OC90: variants seen among roughly 807,000 people sequenced by gnomAD.
OC90 encodes the protein otoconin-90.
A neutral mutation model predicts 47.3 loss-of-function variants in OC90; 46 were observed. That is an observed-to-expected ratio of 0.97 (90% CI 0.77 to 1.24). OC90 has a LOEUF of 1.24. Among genes scored for constraint, OC90 ranks in the 50% most tolerant of loss-of-function variants. OC90 has a pLI of 0.00. For synonymous variants in OC90, 271 were observed against 219.5 expected (o/e 1.23, Z -2.07); for missense variants, 688 against 583.9 (o/e 1.18, Z -1.84).
intron 13 of OC90, among the ~76,000 whole-genome samples, chr8:132,026,918 C>A (rs1414242169): frequency 6.6e-6 from 1 of 152,108 alleles, no homozygotes; most frequent in Non-Finnish European, 1.5e-5. Context: ...ACTGGGCCTC[C>A]CACTTCCACT....
intron 10 of OC90, among the ~76,000 whole-genome samples, chr8:132,033,535 C>T (rs1015034946): frequency 1.3e-5 from 2 of 152,126 alleles, no homozygotes; most frequent in Non-Finnish European, 2.9e-5. Flanking sequence ...GAAATTAAGG[C>T]GACTCATGAT....
At position 132,024,644 on chromosome 8, in the gene OC90, G is replaced by T. The variant is rs755309239; in HGVS notation, c.1271C>A (p.Ala424Asp). Residue 424 changes from alanine to aspartate, a missense_variant, in exon 14 of 14, where the codon GCC becomes GAC. By Grantham distance (126) the Ala-to-Asp change is moderately radical. Transcript: ENST00000254627. ...SRLGCPGQPA[A>D]CEDSLHPVPA... ...CACAGGGTGCAGGCTGTCTTCACAGGCTGCTGGCTGCCCAGGGCACCCGAG... is the reference window on the plus strand; with the variant it reads ...CACAGGGTGCAGGCTGTCTTCACAGTCTGCTGGCTGCCCAGGGCACCCGAG... 11 of 1,613,012 alleles carry T rather than the reference G, an allele frequency of 6.8e-6. No homozygotes were observed. The highest frequency in any genetic ancestry group is 3.3e-4 in the Middle Eastern group (2 of 6,078).
chr8:132,039,024 T>C lies in OC90; in HGVS notation c.557A>G (p.Asp186Gly). Residue 186 changes from aspartate to glycine, a missense_variant, in exon 7 of 14, where the codon GAC becomes GGC. Coordinates refer to ENST00000254627, the MANE Select transcript of OC90 (RefSeq NM_001080399.3). The stretch of plus-strand genomic sequence containing the variant: ...AGTCTGAGCCAGGCAGAAGGAGGTG[T>C]CCAGAAGGTTCAGGGAAGAGTTGAG... ...SSLNSSLNLL[D>G]TSFCLAQTPE... The C allele has an allele frequency of 6.2e-7, 1 of 1,613,854 alleles. No homozygotes were observed. The highest frequency in any genetic ancestry group is 8.5e-7 in the Non-Finnish European group (1 of 1,179,862).
At chr8:132,036,377 T>C (rs989733369) in intron 9 of OC90, 2 of 780,840 alleles carry the variant, frequency 2.6e-6, no homozygotes, top group Non-Finnish European at 4.8e-6. Flanking sequence ...TTACTTTTCT[T>C]GGAGAGAGTG....
At chr8:132,042,384 A>G (rs1205683273) in intron 4 of OC90, among the ~76,000 whole-genome samples, 4 of 152,154 alleles carry the variant, frequency 2.6e-5, no homozygotes, top group African/African-American at 7.2e-5. Flanking sequence ...TTTTTTAAAA[A>G]AATCAACTTC....
In OC90 at chr8:132,024,714, T is replaced by C; in HGVS notation, c.1201A>G (p.Met401Val). The change falls in exon 14 of 14, where the codon ATG becomes GTG. Residue 401 changes from methionine to valine, a missense_variant. Physicochemically the swap from Met to Val is conservative, Grantham distance 21 (BLOSUM62 1). Transcript: ENST00000254627. ...CACDQTAAEC[M>V]TSASFNQSLK... ...CTTTGGTTAAAGGAGGCAGAGGTCA[T>C]GCACTCAGCTGCCGTCTGGTCACAG... 1 of 1,613,832 alleles carries C rather than the reference T, an allele frequency of 6.2e-7. No individual in the cohort carries two copies. The highest frequency in any genetic ancestry group is 8.5e-7 in the Non-Finnish European group (1 of 1,179,816).
chr8:132,031,822 T>C, intron 12 of OC90, 59 bp downstream of exon 12: 1 of 1,471,352 alleles, frequency 6.8e-7, no homozygotes, highest in Non-Finnish European at 9.4e-7. Context: ...GTCACCACCC[T>C]CTGGTGCAGA....
intron 11 of OC90, among the ~76,000 whole-genome samples, 171 bp from the exon 12 acceptor site, chr8:132,032,223 C>T (rs1230933960): frequency 1.3e-5 from 2 of 152,202 alleles, no homozygotes; most frequent in South Asian, 2.1e-4. Context: ...TGGCTCATCC[C>T]CTGCTTGGGA....
chr8:132,036,106 T>C (rs1319618309), intron 9 of OC90, among the ~76,000 whole-genome samples: 2 of 152,238 alleles, frequency 1.3e-5, no homozygotes, highest in South Asian at 2.1e-4. Flanking sequence ...GTGTTCTCTA[T>C]GAGCCACTAT....
At chr8:132,054,067 G>A (rs1446210386) in intron 2 of OC90, among the ~76,000 whole-genome samples, 8 of 152,158 alleles carry the variant, frequency 5.3e-5, no homozygotes, top group Non-Finnish European at 8.8e-5. Context: ...GGGACCTTGC[G>A]GAGCTCCAAC....
rs749101380 is a variant in OC90 at position 132,034,835 on chromosome 8, C to G, written c.680-1G>C. 2 of 1,612,220 alleles carry G rather than the reference C, an allele frequency of 1.2e-6. No homozygotes were observed. The highest frequency in any genetic ancestry group is 1.7e-6 in the Non-Finnish European group (2 of 1,178,632). On this transcript the variant is annotated splice_acceptor_variant, in intron 9 of 13. Coordinates refer to ENST00000254627, the MANE Select transcript of OC90 (RefSeq NM_001080399.3). LOFTEE classifies it high-confidence loss of function. ...ACTCCTTCCTGATCGTGGCCTGCTT[C>G]TGTTCCCCAAAGAAGAGAGACAGCA...
Position 132,044,432 on chromosome 8 carries a change from C to A in OC90, c.169+1G>T. The stretch of plus-strand genomic sequence containing the variant: ...TAAAAGCAATTTTAGACTTAACTTA[C>A]CAAAAATTTCAGCCACACTTTCCAC... On this transcript the variant is annotated splice_donor_variant, in intron 4 of 13. Transcript: ENST00000254627. LOFTEE classifies it high-confidence loss of function. 1 of 1,526,200 alleles carries A rather than the reference C, an allele frequency of 6.6e-7. No individual in the cohort carries two copies. The allele number at this position is 1,526,200 out of a possible 1,614,324, so 94.5% of individuals were successfully genotyped here. A position where few individuals can be genotyped will look rare whatever the true frequency, so the allele number is the denominator to read the frequency against.
At chr8:132,028,934 G>GT in intron 13 of OC90, 139 bp downstream of exon 13, 1 of 593,138 alleles carries the variant, frequency 1.7e-6, no homozygotes, top group Non-Finnish European at 3.0e-6. Flanking sequence ...GGAAGGGAAG[G>GT]AAGGAAGGAA....
Position 132,041,506 on chromosome 8 carries a change from A to C in OC90, c.344+19T>G. 1 of 1,598,520 alleles carries C rather than the reference A, an allele frequency of 6.3e-7. No homozygotes were observed. The highest frequency in any genetic ancestry group is 8.5e-7 in the Non-Finnish European group (1 of 1,172,866). The stretch of plus-strand genomic sequence containing the variant: ...GAGCTCACTTTTTTTGGTCTTGCTC[A>C]CCTGTGGAACTCACTTACCTGTCAG... On this transcript the variant is annotated intron_variant, in intron 5 of 13. Coordinates refer to ENST00000254627, the MANE Select transcript of OC90 (RefSeq NM_001080399.3).
chr8:132,025,192 A>T (rs1822738737), intron 13 of OC90, among the ~76,000 whole-genome samples: 1 of 152,232 alleles, frequency 6.6e-6, no homozygotes. Flanking sequence ...GTAGGTAGAT[A>T]GGCAGATATG....
intron 13 of OC90, among the ~76,000 whole-genome samples, chr8:132,026,402 C>A (rs1388973188): frequency 2.0e-5 from 3 of 152,244 alleles, no homozygotes; most frequent in Non-Finnish European, 4.4e-5. Context: ...CACGTCAGCC[C>A]CAGACATGCC....
At chr8:132,029,012 C>T (rs868061779) in intron 13 of OC90, 61 bp downstream of exon 13, 2 of 1,144,110 alleles carry the variant, frequency 1.7e-6, no homozygotes, top group African/African-American at 1.5e-5. Flanking sequence ...CAAGTCTGAG[C>T]TACAGTCACG....
At chr8:132,045,733 G>C (rs912488912) in intron 3 of OC90, 85 bp downstream of exon 3, 1 of 762,864 alleles carries the variant, frequency 1.3e-6, no homozygotes, top group Middle Eastern at 2.9e-4. Context: ...TGGCTCTAGG[G>C]TGTATTCAGA....
intron 2 of OC90, among the ~76,000 whole-genome samples, chr8:132,054,741 C>A (rs1159693029): frequency 6.6e-6 from 1 of 152,138 alleles, no homozygotes; most frequent in Non-Finnish European, 1.5e-5. Flanking sequence ...CACTTATAAT[C>A]GTAGAGCATA....
Sources: allele counts gnomAD v4.1 joint callset (sites outside exome capture counted in the v4.1 genomes callset), GRCh38; gene constraint gnomAD v4.1.1; transcripts MANE v1.5; gene names NCBI Gene and HGNC (gene_info 2026-07-23, HGNC 2026-07-21).